SLC9A7: variants seen among roughly 807,000 people sequenced by gnomAD.
The protein encoded by SLC9A7 is solute carrier family 9 member A7.
SLC9A7 carries 19 observed loss-of-function variants against 52.6 expected under a neutral mutation model. The ratio of observed to expected loss-of-function variants is 0.36; its 90% CI spans 0.25 to 0.53. The LOEUF (loss-of-function observed/expected upper bound fraction) is 0.53, where lower values mean the gene tolerates loss of function less well. SLC9A7 is among the 20% of genes least tolerant of loss of function. The pLI, the probability that SLC9A7 is intolerant of heterozygous loss-of-function variation, is 0.91. For missense variants in SLC9A7, 455 were observed against 597.9 expected, an observed-to-expected ratio of 0.76 and a Z score of 2.49; for synonymous variants, 226 against 252.1, an observed-to-expected ratio of 0.90 and a Z score of 0.98.
intron 3 of SLC9A7, among the ~76,000 whole-genome samples, chrX:46,673,787 T>A (rs1167180728): frequency 9.0e-6 from 1 of 111,262 alleles, no homozygotes; most frequent in Non-Finnish European, 1.9e-5. Context: ...TTCCCAGTGC[T>A]TGCCCCTATC....
Position 46,647,512 on chromosome X carries a change from C to T in SLC9A7, c.1462+1174G>A, listed in dbSNP as rs1378513855. Among the ~76,000 whole-genome samples, 3 of 112,758 alleles carry T rather than the reference C, an allele frequency of 2.7e-5. No homozygotes were observed. In the East Asian group the frequency reaches 8.4e-4, roughly 31 times the overall value. ...AGGCCACTCCCTTTGTGAAGATGGC[C>T]CTGAGCCATTCTCTTCTTGTTCACA... On this transcript the variant is annotated intron_variant, in intron 11 of 16. Coordinates refer to ENST00000616978, the MANE Select transcript of SLC9A7 (RefSeq NM_001257291.2).
intron 14 of SLC9A7, among the ~76,000 whole-genome samples, chrX:46,622,653 C>T (rs1464661977): frequency 9.0e-6 from 1 of 111,445 alleles, no homozygotes; most frequent in Non-Finnish European, 1.9e-5. Context: ...TCTGCAAAAC[C>T]ACAAAGCATT....
Position 46,601,681 on chromosome X carries a change from C to A in SLC9A7, c.*5271G>T, listed in dbSNP as rs910675631. The A allele has an allele frequency of 8.9e-6, 1 of 112,497 alleles. No homozygotes were observed. The highest frequency in any genetic ancestry group is 1.9e-5 in the Non-Finnish European group (1 of 53,286). The allele number at this position is 112,497 out of a possible 1,213,427, so 9.3% of individuals were successfully genotyped here. On this transcript the variant is annotated 3_prime_UTR_variant, in exon 17 of 17. Transcript: ENST00000616978. ...CACCCCAGTAACCACCCTGGATGCT[C>A]GGATCCATATGCCCTTCCTGTGATT...
At chrX:46,673,440 G>C (rs945948203) in intron 3 of SLC9A7, among the ~76,000 whole-genome samples, 3 of 111,040 alleles carry the variant, frequency 2.7e-5, no homozygotes, top group African/African-American at 9.9e-5. Context: ...CAAGTCATTA[G>C]GCCTGTGGGA....
chrX:46,652,823 G>A (rs1219883368), intron 8 of SLC9A7, among the ~76,000 whole-genome samples: 3 of 111,463 alleles, frequency 2.7e-5, no homozygotes, highest in Non-Finnish European at 5.6e-5. Flanking sequence ...ATATGAAACT[G>A]ACACCATAAA....
chrX:46,730,670 T>TTC, intron 1 of SLC9A7, among the ~76,000 whole-genome samples: 1 of 42,917 alleles, frequency 2.3e-5, no homozygotes, highest in Admixed American at 5.0e-4. Flanking sequence ...AAAAAAAAAA[T>TTC]TATATATATA....
intron 1 of SLC9A7, among the ~76,000 whole-genome samples, chrX:46,683,100 C>G (rs993846838): frequency 2.8e-5 from 3 of 108,691 alleles, no homozygotes; most frequent in Admixed American, 2.0e-4. Flanking sequence ...TGTGAGCCAC[C>G]ACATCCAGCC....
Position 46,732,721 on chromosome X carries a change from A to G in SLC9A7, c.325+25984T>C, listed in dbSNP as rs146041772. The stretch of plus-strand genomic sequence containing the variant: ...AAATGCATATACCTTTTAATCTAAC[A>G]GTCCCACTCCCAGGAATCTATTCTA... On this transcript the variant is annotated intron_variant, in intron 1 of 16. Transcript: ENST00000616978. 6.0e-3 allele frequency among the ~76,000 whole-genome samples: 677 copies of G among 112,079 alleles called. 2 individuals are homozygous for G. The highest frequency in any genetic ancestry group is 9.9e-3 in the Non-Finnish European group (529 of 53,182).
At chrX:46,680,742 G>C (rs1313355390) in intron 2 of SLC9A7, among the ~76,000 whole-genome samples, 1 of 112,581 alleles carries the variant, frequency 8.9e-6, no homozygotes, top group Non-Finnish European at 1.9e-5. Flanking sequence ...CACGCTGGTA[G>C]ATTATTTGGC....
At chrX:46,661,799 G>A (rs371459248) in intron 7 of SLC9A7, among the ~76,000 whole-genome samples, 16 of 111,854 alleles carry the variant, frequency 1.4e-4, no homozygotes, top group African/African-American at 4.9e-4. Flanking sequence ...AAGACAGAGC[G>A]AAGTCTAGGG....
rs1054983270 is a variant in SLC9A7 at position 46,705,071 on chromosome X, G to A, written c.326-22536C>T. ...GACTTGTACAGAGGAAAGAGGAGGC[G>A]TGAAGTATATTTCAGAGAAAGCCCT... On this transcript the variant is annotated intron_variant, in intron 1 of 16. Coordinates refer to ENST00000616978, the MANE Select transcript of SLC9A7 (RefSeq NM_001257291.2). 3.6e-5 allele frequency among the ~76,000 whole-genome samples: 4 copies of A among 112,096 alleles called. No homozygotes were observed. In the East Asian group the frequency reaches 8.4e-4, roughly 24 times the overall value.
At chrX:46,646,473 T>A (rs1463840882) in intron 11 of SLC9A7, 1 of 134,051 alleles carries the variant, frequency 7.5e-6, no homozygotes, top group Non-Finnish European at 1.5e-5. Flanking sequence ...CTGGTACTCA[T>A]CTGTAGCTAC....
chrX:46,741,251 A>G (rs190921807), intron 1 of SLC9A7, among the ~76,000 whole-genome samples: 2 of 112,045 alleles, frequency 1.8e-5, no homozygotes, highest in East Asian at 5.6e-4. Context: ...TCAAAGTACC[A>G]GCAAGACATT....
intron 5 of SLC9A7, among the ~76,000 whole-genome samples, chrX:46,663,685 G>C (rs1943869619): frequency 9.5e-6 from 1 of 104,883 alleles, no homozygotes; most frequent in Non-Finnish European, 2.0e-5. Flanking sequence ...AAAGGGCCAG[G>C]TGCGGTGGCT....
At chrX:46,732,895 G>A (rs902800229) in intron 1 of SLC9A7, among the ~76,000 whole-genome samples, 2 of 112,081 alleles carry the variant, frequency 1.8e-5, no homozygotes, top group African/African-American at 3.2e-5. Flanking sequence ...TGAAAGAAAA[G>A]AATGAGGAAT....
At chrX:46,692,321 T>C (rs1944391617) in intron 1 of SLC9A7, among the ~76,000 whole-genome samples, 1 of 111,407 alleles carries the variant, frequency 9.0e-6, no homozygotes, top group African/African-American at 3.3e-5. Context: ...TTTTTCAGAA[T>C]TGCTTGAGAT....
At chrX:46,690,802 C>T (rs1000308310) in intron 1 of SLC9A7, among the ~76,000 whole-genome samples, 3 of 111,978 alleles carry the variant, frequency 2.7e-5, no homozygotes, top group African/African-American at 9.7e-5. Flanking sequence ...GGTTAAGGTC[C>T]AAATTCATCC....
chrX:46,742,322 T>C (rs1250398569), intron 1 of SLC9A7, among the ~76,000 whole-genome samples: 2 of 111,305 alleles, frequency 1.8e-5, no homozygotes, highest in African/African-American at 6.5e-5. Context: ...ACAGTAATGT[T>C]TATAGCAGCC....
intron 11 of SLC9A7, 125 bp downstream of exon 11, chrX:46,648,561 A>G (rs984871301): frequency 4.5e-5 from 23 of 507,288 alleles, no homozygotes; most frequent in Middle Eastern, 5.5e-4. Context: ...TTCTCACTGC[A>G]GGGGATACAA....
Sources: gnomAD v4.1 joint callset for allele counts (sites outside exome capture counted in the v4.1 genomes callset) on GRCh38, gnomAD v4.1.1 for gene constraint, MANE v1.5 for transcripts, NCBI Gene and HGNC (gene_info 2026-07-23, HGNC 2026-07-21) for gene names.